The following NFIA variants were observed in gnomAD, a reference collection of about 807,000 sequenced individuals.
NFIA encodes the protein nuclear factor I A, also known as nuclear factor 1 A-type.
In NFIA, 8 loss-of-function variants were observed where a neutral mutation model predicts 62.8. The ratio of observed to expected loss-of-function variants is 0.13; its 90% CI spans 0.07 to 0.23. The LOEUF is 0.23. NFIA is among the 10% of genes least tolerant of loss of function. NFIA has a pLI of 1.00. For synonymous variants in NFIA, 235 were observed against 238.1 expected, an observed-to-expected ratio of 0.99 and a Z score of 0.12; for missense variants, 410 against 642.1, an observed-to-expected ratio of 0.64 and a Z score of 3.91.
intron 5 of NFIA, among the ~76,000 whole-genome samples, chr1:61,358,577 G>T (rs548445461): frequency 2.6e-5 from 4 of 151,726 alleles, no homozygotes; most frequent in African/African-American, 9.7e-5. Flanking sequence ...GTAGAGATAG[G>T]ATTTTACCAT....
In NFIA at chr1:61,393,663, A is replaced by G. The variant is rs546585538; in HGVS notation, c.1075+10298A>G. Among the ~76,000 whole-genome samples the G allele has an allele frequency of 2.8e-4, 43 of 152,232 alleles. 2 individuals carry two copies. The South Asian group carries it at 8.9e-3, about 32-fold the overall frequency. ...AGCGGGTTAAGTCCATCCTAACCAC[A>G]TAGGCTGAGGCTGAGGGACAGAGAG... On this transcript the variant is annotated intron_variant, in intron 7 of 10. Coordinates refer to ENST00000403491, the MANE Select transcript of NFIA (RefSeq NM_001134673.4).
At chr1:61,369,010 G>C in intron 6 of NFIA, among the ~76,000 whole-genome samples, 1 of 152,214 alleles carries the variant, frequency 6.6e-6, no homozygotes, top group Admixed American at 6.5e-5. Context: ...CTTCATATGG[G>C]TGAGGAGTTT....
At chr1:61,348,361 A>T (rs1662359977) in intron 4 of NFIA, among the ~76,000 whole-genome samples, 1 of 152,220 alleles carries the variant, frequency 6.6e-6, no homozygotes, top group South Asian at 2.1e-4. Context: ...TGTGAAACCC[A>T]TTCTCATTTC....
At chr1:61,363,342 C>T (rs955361852) in intron 6 of NFIA, among the ~76,000 whole-genome samples, 2 of 152,170 alleles carry the variant, frequency 1.3e-5, no homozygotes, top group South Asian at 2.1e-4. Context: ...TGATGGCTCA[C>T]GCCTGTAATC....
At chr1:61,104,429 G>C (rs1404136718) in intron 2 of NFIA, among the ~76,000 whole-genome samples, 1 of 152,108 alleles carries the variant, frequency 6.6e-6, no homozygotes, top group African/African-American at 2.4e-5. Flanking sequence ...ATATAGTGAA[G>C]TCAGAATTTT....
At chr1:61,410,914 A>G (rs1172559374) in intron 9 of NFIA, among the ~76,000 whole-genome samples, 2 of 152,140 alleles carry the variant, frequency 1.3e-5, no homozygotes, top group South Asian at 2.1e-4. Flanking sequence ...TTCAAAAAAT[A>G]TATATAAAAA....
Position 61,125,610 on chromosome 1 carries a change from G to C in NFIA, c.559+36930G>C, listed in dbSNP as rs556113544. Among the ~76,000 whole-genome samples the C allele has an allele frequency of 1.1e-4, 16 of 152,246 alleles. No homozygotes were observed. The South Asian group carries it at 1.4e-3, about 14-fold the overall frequency. On this transcript the variant is annotated intron_variant, in intron 2 of 10. Coordinates refer to ENST00000403491, the MANE Select transcript of NFIA (RefSeq NM_001134673.4). ...GAACTCAGGTTACCTGCAAAATATG[G>C]TGTCATATGGAAACATTTAAGAGCT...
intron 2 of NFIA, among the ~76,000 whole-genome samples, chr1:61,195,350 C>T (rs942554779): frequency 5.9e-5 from 9 of 152,138 alleles, no homozygotes; most frequent in Non-Finnish European, 1.2e-4. Context: ...CAGGCACATG[C>T]AGCTTGTAAG....
At chr1:61,452,908 G>A (rs1668122917) in intron 10 of NFIA, among the ~76,000 whole-genome samples, 1 of 151,846 alleles carries the variant, frequency 6.6e-6, no homozygotes, top group African/African-American at 2.4e-5. Context: ...AGCAGCTAAA[G>A]TATTTCATGA....
chr1:61,402,111 C>T (rs1450734648), intron 7 of NFIA, among the ~76,000 whole-genome samples: 1 of 141,822 alleles, frequency 7.1e-6, no homozygotes, highest in Non-Finnish European at 1.5e-5. Context: ...GATCTCGGCT[C>T]ATTGCAAGAT....
At chr1:61,271,920 A>G (rs1039743666) in intron 2 of NFIA, among the ~76,000 whole-genome samples, 10 of 152,204 alleles carry the variant, frequency 6.6e-5, no homozygotes, top group Admixed American at 1.3e-4. Context: ...TTTAAAGCTT[A>G]AGAAAACTTT....
At chr1:61,424,471 C>T (rs927098540) in intron 9 of NFIA, among the ~76,000 whole-genome samples, 2 of 152,076 alleles carry the variant, frequency 1.3e-5, no homozygotes, top group African/African-American at 4.8e-5. Flanking sequence ...CAGGCGAGTG[C>T]ACACTGTTCT....
rs191897571 is a variant in NFIA at position 61,299,928 on chromosome 1, A to G, written c.625+22343A>G. ...GTTATGCAGAATATTTTAAAATTAG[A>G]TAATGTTTTATACTCATGAGATGAA... On this transcript the variant is annotated intron_variant, in intron 3 of 10. Transcript: ENST00000403491. Among the ~76,000 whole-genome samples, 206 of 152,192 alleles carry G rather than the reference A, an allele frequency of 1.4e-3. 3 individuals are homozygous for G. Among genetic ancestry groups the G allele is most frequent in the Admixed American group, 0.012 (181 of 15,272 alleles).
At chr1:61,235,463 AAAATAAATAAAT>A (rs200048964) in intron 2 of NFIA, among the ~76,000 whole-genome samples, 43 of 121,528 alleles carry the variant, frequency 3.5e-4, no homozygotes, top group East Asian at 9.1e-4. Flanking sequence ...ACTCCATCTC[AAAATAAATAAAT>A]AAATAAATAA....
chr1:61,093,928 A>T (rs911053313), intron 2 of NFIA, among the ~76,000 whole-genome samples: 1 of 152,208 alleles, frequency 6.6e-6, no homozygotes, highest in East Asian at 1.9e-4. Flanking sequence ...TGTACACAGT[A>T]GGACTGGGTG....
intron 6 of NFIA, among the ~76,000 whole-genome samples, chr1:61,378,793 G>A (rs984309963): frequency 1.3e-5 from 2 of 152,154 alleles, no homozygotes; most frequent in East Asian, 1.9e-4. Context: ...TGTGGATGTG[G>A]GACTAAGGTC....
At chr1:61,150,165 T>G (rs1053600448) in intron 2 of NFIA, among the ~76,000 whole-genome samples, 4 of 152,250 alleles carry the variant, frequency 2.6e-5, no homozygotes, top group African/African-American at 9.6e-5. Flanking sequence ...GAAAGAGCAC[T>G]GACCCGTGAG....
chr1:61,368,463 G>C (rs1663713409), intron 6 of NFIA, among the ~76,000 whole-genome samples: 1 of 152,202 alleles, frequency 6.6e-6, no homozygotes, highest in African/African-American at 2.4e-5. Flanking sequence ...AATTTTAAAA[G>C]TTAGTCATTC....
At chr1:61,108,277 T>A (rs1368474059) in intron 2 of NFIA, among the ~76,000 whole-genome samples, 4 of 151,778 alleles carry the variant, frequency 2.6e-5, no homozygotes, top group Admixed American at 2.6e-4. Context: ...ACATGGTATG[T>A]CTCTTCATTT....
Sources: allele counts gnomAD v4.1 joint callset (sites outside exome capture counted in the v4.1 genomes callset), GRCh38; gene constraint gnomAD v4.1.1; transcripts MANE v1.5; gene names NCBI Gene and HGNC (gene_info 2026-07-23, HGNC 2026-07-21).